Variants in CFAP210 observed in about 807,000 individuals in gnomAD.
CFAP210 encodes the protein cilia and flagella associated protein 210.
chr2:169,675,390 T>C, the CFAP210 span, among the ~76,000 whole-genome samples: 1 of 152,216 alleles, frequency 6.6e-6, no homozygotes, highest in Non-Finnish European at 1.5e-5. Flanking sequence ...GGAAGGATGA[T>C]GCTGGCATCT....
chr2:169,669,596 T>C, the CFAP210 span, among the ~76,000 whole-genome samples: 1 of 151,946 alleles, frequency 6.6e-6, no homozygotes, highest in Non-Finnish European at 1.5e-5. Flanking sequence ...AAAATCAACA[T>C]GAATTGCTGA....
the CFAP210 span, among the ~76,000 whole-genome samples, chr2:169,652,733 C>T: frequency 2.0e-5 from 3 of 151,746 alleles, no homozygotes; most frequent in African/African-American, 7.3e-5. Flanking sequence ...CAGTGGCTCA[C>T]GCCTGTAATC....
chr2:169,661,638 C>T, the CFAP210 span, among the ~76,000 whole-genome samples: 771 of 152,342 alleles, frequency 5.1e-3, 5 homozygotes, highest in Middle Eastern at 0.01. Flanking sequence ...TCATTCCTCA[C>T]AACTCTCAAG....
the CFAP210 span, among the ~76,000 whole-genome samples, chr2:169,652,883 C>T: frequency 6.8e-6 from 1 of 147,152 alleles, no homozygotes; most frequent in Non-Finnish European, 1.5e-5. Context: ...TCCTGTAGTC[C>T]CAACTACTTG....
At chr2:169,675,680 T>C in the CFAP210 span, among the ~76,000 whole-genome samples, 2 of 152,180 alleles carry the variant, frequency 1.3e-5, no homozygotes, top group African/African-American at 4.8e-5. Context: ...GATATCTGAA[T>C]GGAGACACAC....
At chr2:169,670,336 A>G in the CFAP210 span, among the ~76,000 whole-genome samples, 1 of 152,158 alleles carries the variant, frequency 6.6e-6, no homozygotes, top group East Asian at 1.9e-4. Context: ...TGAGTCACAC[A>G]AAGACTCTTA....
the CFAP210 span, among the ~76,000 whole-genome samples, chr2:169,686,306 T>A: frequency 6.6e-6 from 1 of 152,224 alleles, no homozygotes. Context: ...TCCATATGAA[T>A]TCTAAGATCA....
At chr2:169,659,988 G>A in the CFAP210 span, among the ~76,000 whole-genome samples, 6 of 151,958 alleles carry the variant, frequency 3.9e-5, no homozygotes, top group African/African-American at 1.5e-4. Context: ...TGCAGCATCA[G>A]TTGTAATGTC....
the CFAP210 span, among the ~76,000 whole-genome samples, chr2:169,650,700 T>TA: frequency 2.4e-4 from 37 of 151,792 alleles, no homozygotes; most frequent in South Asian, 7.1e-3. Flanking sequence ...AAGTAACATA[T>TA]ATTCTAAAAT....
the CFAP210 span, chr2:169,649,082 TTTTCTTACCTG>T: frequency 9.6e-7 from 1 of 1,038,250 alleles, no homozygotes; most frequent in Non-Finnish European, 1.4e-6. Context: ...ATGACCATTT[TTTTCTTACCTG>T]ATGAAACTGC....
At chr2:169,686,842 C>A in the CFAP210 span, among the ~76,000 whole-genome samples, 2 of 152,076 alleles carry the variant, frequency 1.3e-5, no homozygotes, top group African/African-American at 2.4e-5. Flanking sequence ...CTAAATCTCC[C>A]AGCCCATTAA....
At chr2:169,672,190 A>T in the CFAP210 span, among the ~76,000 whole-genome samples, 1 of 152,246 alleles carries the variant, frequency 6.6e-6, no homozygotes, top group South Asian at 2.1e-4. Flanking sequence ...ACTTAAACAA[A>T]TATATAATAA....
chr2:169,666,993 T>C, the CFAP210 span, among the ~76,000 whole-genome samples: 1 of 152,150 alleles, frequency 6.6e-6, no homozygotes, highest in South Asian at 2.1e-4. Flanking sequence ...TCTAGTTATC[T>C]TGCTATTGAC....
the CFAP210 span, among the ~76,000 whole-genome samples, chr2:169,689,938 T>A: frequency 6.6e-6 from 1 of 152,232 alleles, no homozygotes; most frequent in African/African-American, 2.4e-5. Context: ...TACCACTTGG[T>A]CATGGTATAT....
At chr2:169,681,621 T>C in the CFAP210 span, among the ~76,000 whole-genome samples, 2 of 152,194 alleles carry the variant, frequency 1.3e-5, no homozygotes, top group African/African-American at 2.4e-5. Context: ...TGTTCATCTT[T>C]TGGGGCTGTA....
At chr2:169,652,155 T>C in the CFAP210 span, among the ~76,000 whole-genome samples, 1 of 152,272 alleles carries the variant, frequency 6.6e-6, no homozygotes, top group South Asian at 2.1e-4. Flanking sequence ...CAAAGCAGCA[T>C]GTGAGAAATG....
the CFAP210 span, among the ~76,000 whole-genome samples, chr2:169,669,388 C>A: frequency 2.6e-4 from 40 of 152,128 alleles, no homozygotes; most frequent in Middle Eastern, 6.8e-3. Context: ...GAATGGAAAG[C>A]CATTGAAGTG....
At chr2:169,650,719 A>G in the CFAP210 span, among the ~76,000 whole-genome samples, 1 of 143,286 alleles carries the variant, frequency 7.0e-6, no homozygotes, top group Non-Finnish European at 1.5e-5. Context: ...ATCCAAAGAC[A>G]GTAATATGTA....
At chr2:169,687,354 C>T in the CFAP210 span, among the ~76,000 whole-genome samples, 2 of 152,186 alleles carry the variant, frequency 1.3e-5, no homozygotes, top group African/African-American at 4.8e-5. Context: ...TGAGACAAGG[C>T]AAGTCCCTTC....
Sources: allele counts gnomAD v4.1 joint callset (sites outside exome capture counted in the v4.1 genomes callset), GRCh38; gene constraint gnomAD v4.1.1; transcripts MANE v1.5; gene names NCBI Gene and HGNC (gene_info 2026-07-23, HGNC 2026-07-21).